The following TXLNB variants were observed in gnomAD, a reference collection of about 807,000 sequenced individuals.
TXLNB encodes beta-taxilin.
A neutral mutation model predicts 57.4 loss-of-function variants in TXLNB; 37 were observed. That is an observed-to-expected ratio of 0.64 (90% CI 0.50 to 0.85). TXLNB has a LOEUF of 0.85. TXLNB is among the 40% of genes least tolerant of loss of function. The pLI, the probability that TXLNB is intolerant of heterozygous loss-of-function variation, is 0.00. For synonymous variants in TXLNB, 302 were observed against 309.6 expected (o/e 0.98, Z 0.26); for missense variants, 848 against 825.6 (o/e 1.03, Z -0.33).
upstream of TXLNB, among the ~76,000 whole-genome samples, chr6:139,292,960 A>T (rs1422964121): frequency 6.6e-6 from 1 of 152,174 alleles, no homozygotes; most frequent in African/African-American, 2.4e-5. The surrounding 1 kb of genome is among the most constrained non-coding windows in gnomAD (Gnocchi z 4.0). Flanking sequence ...CACCCAAAAG[A>T]TCTCCACGTC....
At chr6:139,206,897 A>G in the TXLNB span, among the ~76,000 whole-genome samples, 1 of 152,326 alleles carries the variant, frequency 6.6e-6, no homozygotes, top group South Asian at 2.1e-4. Flanking sequence ...ACAGACAAAG[A>G]AGGACATTAT....
chr6:139,205,654 A>G, the TXLNB span, among the ~76,000 whole-genome samples: 1 of 152,142 alleles, frequency 6.6e-6, no homozygotes, highest in Admixed American at 6.5e-5. Flanking sequence ...GAAAAAAAAA[A>G]GAACAAAGTC....
the TXLNB span, among the ~76,000 whole-genome samples, chr6:139,197,256 T>C: frequency 2.6e-5 from 4 of 152,252 alleles, no homozygotes; most frequent in Admixed American, 2.0e-4. Context: ...CTACTGGTTT[T>C]ATTTTTGTCC....
upstream of TXLNB, among the ~76,000 whole-genome samples, chr6:139,296,299 G>A (rs750159386): frequency 3.3e-5 from 5 of 152,192 alleles, no homozygotes; most frequent in African/African-American, 9.7e-5. Context: ...AGTTTGGCTA[G>A]ATGTAACCTT....
At chr6:139,259,314 C>A (rs1007141059) in intron 6 of TXLNB, among the ~76,000 whole-genome samples, 1 of 152,164 alleles carries the variant, frequency 6.6e-6, no homozygotes, top group Non-Finnish European at 1.5e-5. Flanking sequence ...AGAATGAAAT[C>A]CAAATAACTT....
At chr6:139,206,166 G>A in the TXLNB span, among the ~76,000 whole-genome samples, 1 of 152,138 alleles carries the variant, frequency 6.6e-6, no homozygotes, top group Non-Finnish European at 1.5e-5. Flanking sequence ...TACAAGAAAT[G>A]CTAAAAGGGC....
the TXLNB span, among the ~76,000 whole-genome samples, chr6:139,321,320 C>T: frequency 3.9e-5 from 6 of 152,196 alleles, no homozygotes; most frequent in Non-Finnish European, 8.8e-5. Context: ...ACAAAAGAGG[C>T]TCCAGAGAGT....
At chr6:139,299,742 A>G in the TXLNB span, among the ~76,000 whole-genome samples, 1 of 152,038 alleles carries the variant, frequency 6.6e-6, no homozygotes, top group Non-Finnish European at 1.5e-5. Context: ...CCTAGACTCA[A>G]CTTGGGACCT....
chr6:139,185,421 GC>G, the TXLNB span, among the ~76,000 whole-genome samples: 2 of 152,198 alleles, frequency 1.3e-5, no homozygotes, highest in Non-Finnish European at 2.9e-5. Flanking sequence ...TAGAGTTGTG[GC>G]CGGGTGCAGT....
In TXLNB at chr6:139,243,028, T is replaced by A; in HGVS notation, c.1553A>T (p.His518Leu). 1 of 1,614,114 alleles carries A rather than the reference T, an allele frequency of 6.2e-7. No individual in the cohort carries two copies. Among genetic ancestry groups the A allele is most frequent in the Non-Finnish European group, 8.5e-7 (1 of 1,180,022 alleles). Residue 518 changes from histidine to leucine, a missense_variant, in exon 10 of 10, where the codon CAC becomes CTC. Physicochemically the swap from His to Leu is moderately conservative, Grantham distance 99. Coordinates refer to ENST00000358430, the MANE Select transcript of TXLNB (RefSeq NM_153235.4). ...MIIHHPESTPHQSKETQPEIG... is the reference protein window; with the variant it reads ...MIIHHPESTPLQSKETQPEIG... ...TTCGGGTTGGGTTTCTTTGGACTGGTGCGGGGTTGACTCTGGATGATGAAT... is the reference window on the plus strand; with the variant it reads ...TTCGGGTTGGGTTTCTTTGGACTGGAGCGGGGTTGACTCTGGATGATGAAT...
the TXLNB span, among the ~76,000 whole-genome samples, chr6:139,224,377 G>A: frequency 6.6e-6 from 1 of 151,254 alleles, no homozygotes; most frequent in African/African-American, 2.4e-5. Flanking sequence ...CAGTGCACCA[G>A]CATGGCACAT....
At chr6:139,209,770 G>A in the TXLNB span, among the ~76,000 whole-genome samples, 1 of 152,218 alleles carries the variant, frequency 6.6e-6, no homozygotes, top group East Asian at 1.9e-4. Context: ...AATTCTAGAA[G>A]ATAACATTGG....
At chr6:139,229,750 G>A in the TXLNB span, among the ~76,000 whole-genome samples, 10 of 152,172 alleles carry the variant, frequency 6.6e-5, no homozygotes, top group South Asian at 1.9e-3. Flanking sequence ...ATCATCTCTG[G>A]CAGGGAGGAA....
the TXLNB span, among the ~76,000 whole-genome samples, chr6:139,317,301 T>C: frequency 2.6e-5 from 4 of 151,774 alleles, no homozygotes; most frequent in Admixed American, 2.6e-4. Context: ...TGGCATTAAG[T>C]AAAAAATTAC....
Position 139,242,840 on chromosome 6 carries a change from G to C in TXLNB, c.1741C>G (p.Pro581Ala). Reference sequence around the variant, plus strand: ...TGGGTTTCTGCTCCCAACCCGGCAGGAGAATTACTGGCCTTGGAGGGAGGT... The same window carrying C: ...TGGGTTTCTGCTCCCAACCCGGCAGCAGAATTACTGGCCTTGGAGGGAGGT... ...AEPPSKASNS[P>A]AGLGAETQCE... Residue 581 changes from proline to alanine, a missense_variant, in exon 10 of 10, where the codon CCT (proline) becomes GCT (alanine). Coordinates refer to ENST00000358430, the MANE Select transcript of TXLNB (RefSeq NM_153235.4). 1.2e-6 allele frequency: 2 copies of C among 1,613,960 alleles called. No homozygotes were observed. Among genetic ancestry groups the C allele is most frequent in the Non-Finnish European group, 1.7e-6 (2 of 1,179,964 alleles).
At chr6:139,265,281 C>T (rs1583009581) in intron 4 of TXLNB, among the ~76,000 whole-genome samples, 1 of 152,196 alleles carries the variant, frequency 6.6e-6, no homozygotes, top group African/African-American at 2.4e-5. Context: ...GAGACACTTA[C>T]CCCTCTCTTA....
At chr6:139,315,204 A>G in the TXLNB span, among the ~76,000 whole-genome samples, 1 of 151,992 alleles carries the variant, frequency 6.6e-6, no homozygotes, top group Non-Finnish European at 1.5e-5. Context: ...TCCATCTCCA[A>G]CCTGACCAAT....
At chr6:139,187,811 T>C in the TXLNB span, among the ~76,000 whole-genome samples, 2 of 152,190 alleles carry the variant, frequency 1.3e-5, no homozygotes, top group African/African-American at 4.8e-5. Context: ...TGAGAGAAGA[T>C]TCTACTGCTC....
the TXLNB span, among the ~76,000 whole-genome samples, chr6:139,307,732 T>C: frequency 1.3e-5 from 2 of 152,240 alleles, no homozygotes; most frequent in African/African-American, 4.8e-5. Flanking sequence ...GGGTATTCTT[T>C]GGATATCTAA....
Sources: allele counts gnomAD v4.1 joint callset (sites outside exome capture counted in the v4.1 genomes callset), GRCh38; gene constraint gnomAD v4.1.1; non-coding constraint Gnocchi (gnomAD v3.1); transcripts MANE v1.5; gene names NCBI Gene and HGNC (gene_info 2026-07-23, HGNC 2026-07-21).